Variants in WWOX observed in about 807,000 individuals in gnomAD.
WWOX encodes the protein WW domain containing oxidoreductase, also known as WW domain-containing oxidoreductase.
WWOX carries 69 observed loss-of-function variants against 46.2 expected under a neutral mutation model. That is an observed-to-expected ratio of 1.49 (90% CI 1.23 to 1.82). The LOEUF (loss-of-function observed/expected upper bound fraction) is 1.82. WWOX is among the 40% of genes most tolerant of loss of function. The probability of loss-of-function intolerance (pLI) is 0.00; values close to 1 mark genes in which losing one functional copy is unlikely to be tolerated. For missense variants in WWOX, 919 were observed against 542.6 expected, an observed-to-expected ratio of 1.69 and a Z score of -6.89; for synonymous variants, 359 against 202.6, an observed-to-expected ratio of 1.77 and a Z score of -6.56.
At chr16:78,405,451 T>C (rs75955218) in intron 6 of WWOX, among the ~76,000 whole-genome samples, 3,273 of 152,336 alleles carry the variant, frequency 0.021, 103 homozygotes, top group African/African-American at 0.075. Flanking sequence ...TTTAAAGGAA[T>C]AGCTGATGGT....
chr16:78,320,034 A>T (rs1013064083), intron 5 of WWOX, among the ~76,000 whole-genome samples: 1 of 152,172 alleles, frequency 6.6e-6, no homozygotes, highest in Non-Finnish European at 1.5e-5. Flanking sequence ...ATCATGCTGT[A>T]TGGATAATGG....
intron 8 of WWOX, among the ~76,000 whole-genome samples, chr16:78,542,891 C>G (rs963449549): frequency 6.6e-6 from 1 of 152,060 alleles, no homozygotes; most frequent in Non-Finnish European, 1.5e-5. Flanking sequence ...CAATGTGATC[C>G]CTGAGGATGT....
intron 8 of WWOX, among the ~76,000 whole-genome samples, chr16:78,950,950 C>T (rs1458139672): frequency 1.3e-5 from 2 of 152,180 alleles, no homozygotes; most frequent in East Asian, 1.9e-4. Context: ...GAGCCATAAA[C>T]ATCCGGTTCT....
chr16:78,737,329 T>G (rs2049115133), intron 8 of WWOX, among the ~76,000 whole-genome samples: 1 of 151,514 alleles, frequency 6.6e-6, no homozygotes, highest in African/African-American at 2.4e-5. Context: ...ACAGATGCGG[T>G]TTCATCATGT....
At chr16:78,844,244 G>C (rs747046002) in intron 8 of WWOX, among the ~76,000 whole-genome samples, 29 of 152,058 alleles carry the variant, frequency 1.9e-4, no homozygotes, top group Non-Finnish European at 3.2e-4. Flanking sequence ...CCCAAGAGAG[G>C]CCCTCTAAAC....
intron 8 of WWOX, among the ~76,000 whole-genome samples, chr16:78,743,757 T>A (rs7197944): frequency 0.13 from 19,386 of 152,134 alleles, 3,359 homozygotes; most frequent in African/African-American, 0.39. Flanking sequence ...TTTCACAACC[T>A]ATCAGACATT....
intron 8 of WWOX, among the ~76,000 whole-genome samples, chr16:78,639,622 G>T (rs1433329818): frequency 6.6e-6 from 1 of 151,672 alleles, no homozygotes; most frequent in African/African-American, 2.4e-5. Flanking sequence ...GGGGTGCAAT[G>T]GTATGATCTT....
chr16:78,231,960 A>G (rs1186340212), intron 5 of WWOX, among the ~76,000 whole-genome samples: 1 of 152,132 alleles, frequency 6.6e-6, no homozygotes, highest in African/African-American at 2.4e-5. Context: ...GTAAGTCTTG[A>G]CTGCCTGCTA....
At chr16:78,713,742 C>G (rs561592981) in intron 8 of WWOX, among the ~76,000 whole-genome samples, 5 of 152,120 alleles carry the variant, frequency 3.3e-5, no homozygotes, top group African/African-American at 1.2e-4. Flanking sequence ...GAATGTGCAG[C>G]CTTCAGAACT....
intron 8 of WWOX, among the ~76,000 whole-genome samples, chr16:78,860,540 T>A (rs1413956259): frequency 6.6e-6 from 1 of 152,200 alleles, no homozygotes; most frequent in Non-Finnish European, 1.5e-5. Flanking sequence ...TGCCAGACAT[T>A]GTTCTAAGAG....
chr16:78,437,714 T>C (rs541622469), intron 8 of WWOX, among the ~76,000 whole-genome samples: 171 of 152,294 alleles, frequency 1.1e-3, no homozygotes, highest in African/African-American at 4.0e-3. Flanking sequence ...TAAGTGTCGT[T>C]CTAAAAAAGA....
At chr16:78,759,792 C>T (rs140463077) in intron 8 of WWOX, among the ~76,000 whole-genome samples, 123 of 152,256 alleles carry the variant, frequency 8.1e-4, no homozygotes, top group African/African-American at 2.8e-3. Flanking sequence ...CTGAAGGTTT[C>T]GCTCCAGAGT....
chr16:78,776,852 C>G (rs537863862), intron 8 of WWOX, among the ~76,000 whole-genome samples: 39 of 152,170 alleles, frequency 2.6e-4, no homozygotes, highest in African/African-American at 9.1e-4. Flanking sequence ...TAAGAACTCG[C>G]TATGTCAAGA....
At chr16:78,336,122 CTAAA>C (rs990735596) in intron 5 of WWOX, among the ~76,000 whole-genome samples, 3 of 151,568 alleles carry the variant, frequency 2.0e-5, no homozygotes, top group African/African-American at 7.3e-5. Context: ...AACCAAAAGA[CTAAA>C]TGTATAAAAG....
At chr16:78,902,989 G>T (rs1478206810) in intron 8 of WWOX, among the ~76,000 whole-genome samples, 1 of 152,204 alleles carries the variant, frequency 6.6e-6, no homozygotes, top group Non-Finnish European at 1.5e-5. Flanking sequence ...CCAGCGGAGG[G>T]TGTCCGGGTT....
intron 5 of WWOX, among the ~76,000 whole-genome samples, chr16:78,301,437 C>G (rs982259597): frequency 7.9e-5 from 12 of 152,056 alleles, no homozygotes; most frequent in Non-Finnish European, 1.6e-4. Context: ...ACTTTTCTTT[C>G]ATTGAGGAAA....
At position 78,830,743 on chromosome 16, in the gene WWOX, C is replaced by T. The variant is rs1353554985; in HGVS notation, c.1057-380865C>T. Among the ~76,000 whole-genome samples, 4 of 151,842 alleles carry T rather than the reference C, an allele frequency of 2.6e-5. 1 individual carries two copies. The highest frequency in any genetic ancestry group is 2.6e-4 in the Admixed American group (4 of 15,258). On this transcript the variant is annotated intron_variant, in intron 8 of 8. Coordinates refer to ENST00000566780, the MANE Select transcript of WWOX (RefSeq NM_016373.4). ...ATTTGGCCAAGCAGGACGGCATCAGCTTGTATTGGAGGGAACATCTGAGCA... is the reference window on the plus strand; with the variant it reads ...ATTTGGCCAAGCAGGACGGCATCAGTTTGTATTGGAGGGAACATCTGAGCA...
At chr16:78,124,038 A>G (rs2033248441) in intron 4 of WWOX, 1 of 152,284 alleles carries the variant, frequency 6.6e-6, no homozygotes, top group East Asian at 1.9e-4. Context: ...GCAGCCCATT[A>G]ATCGCATATT....
chr16:78,810,677 C>G (rs530065134), intron 8 of WWOX, among the ~76,000 whole-genome samples: 1 of 152,262 alleles, frequency 6.6e-6, no homozygotes, highest in African/African-American at 2.4e-5. Context: ...CTGCCTAATG[C>G]TGATTGAAGC....
Sources: allele counts gnomAD v4.1 joint callset (sites outside exome capture counted in the v4.1 genomes callset), GRCh38; gene constraint gnomAD v4.1.1; transcripts MANE v1.5; gene names NCBI Gene and HGNC (gene_info 2026-07-23, HGNC 2026-07-21).